CAMTA1: variants seen among roughly 807,000 people sequenced by gnomAD.
CAMTA1 encodes the protein calmodulin binding transcription activator 1.
CAMTA1 carries 27 observed loss-of-function variants against 170.9 expected under a neutral mutation model. The observed-to-expected ratio is 0.16, with a 90% CI of 0.12 to 0.22. The LOEUF (loss-of-function observed/expected upper bound fraction) is 0.22. CAMTA1 is among the 10% of genes least tolerant of loss of function. The pLI is 1.00. For missense variants in CAMTA1, 1,619 were observed against 2,217.2 expected, an observed-to-expected ratio of 0.73 and a Z score of 5.42; for synonymous variants, 833 against 891.5, an observed-to-expected ratio of 0.93 and a Z score of 1.17.
intron 3 of CAMTA1, among the ~76,000 whole-genome samples, chr1:7,011,469 C>T (rs1027436611): frequency 1.3e-5 from 2 of 152,138 alleles, no homozygotes; most frequent in African/African-American, 4.8e-5. Context: ...AGACCCTTCG[C>T]CCTCCTATCC....
intron 3 of CAMTA1, 46 bp downstream of exon 3, chr1:6,825,256 A>AT: frequency 2.0e-6 from 2 of 1,015,304 alleles, no homozygotes; most frequent in South Asian, 1.5e-5. Flanking sequence ...TTAAGGGCAA[A>AT]TTTTTTAGGT....
At chr1:7,707,377 A>C (rs938187714) in intron 11 of CAMTA1, among the ~76,000 whole-genome samples, 6 of 151,880 alleles carry the variant, frequency 4.0e-5, no homozygotes, top group Non-Finnish European at 8.8e-5. Context: ...CCCGAGTGAA[A>C]GGTGTGAGGC....
intron 5 of CAMTA1, among the ~76,000 whole-genome samples, chr1:7,358,985 C>G (rs1261217239): frequency 6.6e-6 from 1 of 152,112 alleles, no homozygotes; most frequent in African/African-American, 2.4e-5. Context: ...AAATCTCACC[C>G]TTCAGCAGCC....
intron 3 of CAMTA1, among the ~76,000 whole-genome samples, chr1:7,075,071 C>A (rs1317838427): frequency 6.6e-6 from 1 of 152,242 alleles, no homozygotes; most frequent in Admixed American, 6.5e-5. Context: ...ATTCCCAGCT[C>A]TCCCTTCACA....
intron 6 of CAMTA1, among the ~76,000 whole-genome samples, chr1:7,569,912 C>A (rs888884209): frequency 3.3e-5 from 5 of 152,232 alleles, no homozygotes; most frequent in African/African-American, 4.8e-5. Flanking sequence ...TCGTCAGGTC[C>A]CCTTAGTCAG....
At chr1:7,039,480 C>T (rs1039156809) in intron 3 of CAMTA1, among the ~76,000 whole-genome samples, 8 of 150,596 alleles carry the variant, frequency 5.3e-5, no homozygotes, top group Admixed American at 1.3e-4. Flanking sequence ...AAATTAATAG[C>T]GCTTCCTTTC....
intron 1 of CAMTA1, among the ~76,000 whole-genome samples, chr1:6,788,367 A>G (rs1285335555): frequency 6.6e-6 from 1 of 152,166 alleles, no homozygotes; most frequent in Non-Finnish European, 1.5e-5. Flanking sequence ...TTACTGTGTA[A>G]GGAGAAGTGG....
chr1:7,352,733 C>T (rs2084781755), intron 5 of CAMTA1, among the ~76,000 whole-genome samples: 1 of 152,166 alleles, frequency 6.6e-6, no homozygotes, highest in African/African-American at 2.4e-5. Flanking sequence ...GTGGGGTGGG[C>T]TCAGGTTGGG....
chr1:7,471,409 A>G (rs951142854), intron 6 of CAMTA1, among the ~76,000 whole-genome samples: 6 of 152,118 alleles, frequency 3.9e-5, no homozygotes, highest in African/African-American at 1.4e-4. Context: ...GGACCAGATG[A>G]CCTGAGCTCA....
At chr1:6,948,332 A>G (rs541765398) in intron 3 of CAMTA1, among the ~76,000 whole-genome samples, 1 of 152,268 alleles carries the variant, frequency 6.6e-6, no homozygotes, top group South Asian at 2.1e-4. Context: ...GTTTAGTGAG[A>G]AGCTCTGGAA....
At chr1:7,004,944 G>C (rs190825317) in intron 3 of CAMTA1, among the ~76,000 whole-genome samples, 2 of 151,840 alleles carry the variant, frequency 1.3e-5, no homozygotes, top group Non-Finnish European at 2.9e-5. Context: ...ATTTTTTTTT[G>C]TGTTTTTAGT....
At chr1:7,598,908 T>C (rs1452051926) in intron 6 of CAMTA1, among the ~76,000 whole-genome samples, 4 of 152,240 alleles carry the variant, frequency 2.6e-5, no homozygotes, top group Non-Finnish European at 4.4e-5. Flanking sequence ...ACTCTGATGG[T>C]AGTTTCTTTC....
intron 11 of CAMTA1, among the ~76,000 whole-genome samples, chr1:7,709,570 A>G (rs1212657497): frequency 1.3e-5 from 2 of 152,202 alleles, no homozygotes; most frequent in East Asian, 1.9e-4. Flanking sequence ...AGGTGGCCCT[A>G]AAAATCCTGG....
chr1:7,059,068 TC>T (rs2101718828), intron 3 of CAMTA1, among the ~76,000 whole-genome samples: 1 of 152,330 alleles, frequency 6.6e-6, no homozygotes, highest in South Asian at 2.1e-4. Flanking sequence ...CCATCCGGGT[TC>T]CTGGGCTCTC....
chr1:6,895,468 T>C (rs1675428075), intron 3 of CAMTA1, among the ~76,000 whole-genome samples: 1 of 152,354 alleles, frequency 6.6e-6, no homozygotes, highest in African/African-American at 2.4e-5. Flanking sequence ...CCCCTTGGAA[T>C]AGATTCCCCA....
chr1:7,331,763 T>A (rs2083050164), intron 5 of CAMTA1, among the ~76,000 whole-genome samples: 2 of 152,152 alleles, frequency 1.3e-5, no homozygotes, highest in African/African-American at 4.8e-5. Flanking sequence ...GTTTTCTACC[T>A]CTTTGACCTT....
chr1:7,003,012 G>GTT (rs972653536), intron 3 of CAMTA1, among the ~76,000 whole-genome samples: 1 of 152,188 alleles, frequency 6.6e-6, no homozygotes, highest in Non-Finnish European at 1.5e-5. Context: ...CGGACTCAGG[G>GTT]TTTCTGAACC....
chr1:7,000,502 G>A (rs866622738), intron 3 of CAMTA1, among the ~76,000 whole-genome samples: 11 of 152,148 alleles, frequency 7.2e-5, no homozygotes, highest in Non-Finnish European at 1.0e-4. Context: ...CTTATGGAGC[G>A]GGGCCTGGAA....
chr1:7,699,273 C>T (rs1322148863), intron 11 of CAMTA1, among the ~76,000 whole-genome samples: 2 of 152,118 alleles, frequency 1.3e-5, no homozygotes, highest in Non-Finnish European at 2.9e-5. Context: ...AGGGTCACTC[C>T]CCATTCCTCC....
Sources: allele counts gnomAD v4.1 joint callset (sites outside exome capture counted in the v4.1 genomes callset), GRCh38; gene constraint gnomAD v4.1.1; transcripts MANE v1.5; gene names NCBI Gene and HGNC (gene_info 2026-07-23, HGNC 2026-07-21).